CROCC: variants seen among roughly 807,000 people sequenced by gnomAD.
The protein encoded by CROCC is rootletin.
Under a neutral mutation model 245.2 loss-of-function variants are expected in CROCC, and 180 were observed. The ratio of observed to expected loss-of-function variants is 0.73; its 90% CI spans 0.65 to 0.83. The LOEUF is 0.83. Among genes scored for constraint, CROCC ranks in the 40% least tolerant of loss-of-function variants. The pLI is 0.00. For missense variants in CROCC, 2,688 were observed against 2,779.4 expected (o/e 0.97, Z 0.74); for synonymous variants, 1,205 against 1,241.6 (o/e 0.97, Z 0.62).
chr1:16,958,473 G>T, intron 25 of CROCC, 110 bp from the exon 26 acceptor site: 1 of 1,293,784 alleles, frequency 7.7e-7, no homozygotes, highest in South Asian at 1.4e-5. Context: ...GATGTGGGGT[G>T]GTATTTGATA....
At chr1:16,958,486 T>C (rs563813113) in intron 25 of CROCC, 97 bp from the exon 26 acceptor site, 204 of 1,409,782 alleles carry the variant, frequency 1.4e-4, no homozygotes, top group Non-Finnish European at 1.9e-4. Context: ...ATTTGATACA[T>C]GTGTCCCTAC....
At position 16,968,213 on chromosome 1, in the gene CROCC, G is replaced by C. The variant is rs1437859046; in HGVS notation, c.4871G>C (p.Ser1624Thr). 1.3e-6 allele frequency: 2 copies of C among 1,563,922 alleles called. No individual in the cohort carries two copies. Among genetic ancestry groups the C allele is most frequent in the South Asian group, 2.4e-5 (2 of 84,844 alleles). ...SELRASQEKI[S>T]KMKANETKLE... The stretch of plus-strand genomic sequence containing the variant: ...CCATGCCACCTGCAGGAGAAGATCA[G>C]CAAGATGAAGGCCAATGAGACAAAG... The change falls in exon 31 of 37, where the codon AGC (serine) becomes ACC (threonine). Residue 1624 changes from serine to threonine, a missense_variant. Physicochemically the swap from Ser to Thr is moderately conservative, Grantham distance 58 (BLOSUM62 1). Transcript: ENST00000375541.
intron 13 of CROCC, among the ~76,000 whole-genome samples, chr1:16,943,233 G>A (rs1311961415): frequency 1.4e-5 from 2 of 140,478 alleles, no homozygotes; most frequent in East Asian, 2.2e-4. Context: ...AGAGTGAGAT[G>A]CCGTCTAAAA....
At position 16,955,495 on chromosome 1, in the gene CROCC, C is replaced by T. The variant is rs373283520; in HGVS notation, c.3649C>T (p.Arg1217Cys). Residue 1217 changes from arginine (R) to cysteine (C), a missense_variant, in exon 24 of 37, where the codon CGT becomes TGT. By Grantham distance (180) the Arg-to-Cys change is radical. This residue lies in a region of CROCC where 1,218 missense variants were observed against 1,286.3 expected (regional missense o/e 0.95). Coordinates refer to ENST00000375541, the MANE Select transcript of CROCC (RefSeq NM_014675.5). ...TGCCAAGGAGCGCGAGGCCCTGCGG[C>T]GTTCCAATGAGGAGCTTCGGTCTGC... is the stretch of plus-strand genomic sequence containing the variant. ...EGAKEREALR[R>C]SNEELRSAVK... 13 of 1,577,606 alleles carry T rather than the reference C, an allele frequency of 8.2e-6. No homozygotes were observed. The highest frequency in any genetic ancestry group is 6.7e-5 in the African/African-American group (5 of 74,266).
Position 16,946,831 on chromosome 1 carries a change from A to G in CROCC, c.2354A>G (p.Glu785Gly), listed in dbSNP as rs1232999747. ...GAGCAGGAGGCCACAGTGGCGCGGG[A>G]AGAGCAGGAACGGCTAGAGGAGCTG... ...QAEQEATVAR[E>G]EQERLEELRL... Residue 785 changes from glutamate (E) to glycine (G), a missense_variant, in exon 17 of 37, where the codon GAA becomes GGA. Glu to Gly is a moderately conservative substitution (Grantham distance 98, BLOSUM62 -2). Transcript: ENST00000375541. 3 of 1,553,830 alleles carry G rather than the reference A, an allele frequency of 1.9e-6. No homozygotes were observed. Among genetic ancestry groups the G allele is most frequent in the Admixed American group, 2.0e-5 (1 of 51,162 alleles).
At chr1:16,952,109 G>A (rs1309019656) in intron 20 of CROCC, among the ~76,000 whole-genome samples, 1 of 151,386 alleles carries the variant, frequency 6.6e-6, no homozygotes, top group Non-Finnish European at 1.5e-5. Flanking sequence ...AGGGTGTCTC[G>A]AACTTTTGAC....
rs577341468 is a variant in CROCC, at chr1:16,971,302, G to A, written c.5785-163G>A. 1.4e-3 allele frequency among the ~76,000 whole-genome samples: 205 copies of A among 151,526 alleles called. 2 individuals carry two copies. Among genetic ancestry groups the A allele is most frequent in the African/African-American group, 4.6e-3 (191 of 41,302 alleles). On this transcript the variant is annotated intron_variant, in intron 35 of 36. Transcript: ENST00000375541. Reference sequence around the variant, plus strand: ...CATTGGGTGCACTCATCCTGGGCTCGCAGGCTCACTGTCAGGGCCAGCAGG... The same window carrying A: ...CATTGGGTGCACTCATCCTGGGCTCACAGGCTCACTGTCAGGGCCAGCAGG...
At chr1:16,971,210 AGT>A (rs34364208) in intron 35 of CROCC, among the ~76,000 whole-genome samples, 13,032 of 143,932 alleles carry the variant, frequency 0.091, 594 homozygotes, top group Middle Eastern at 0.16. Context: ...ATGATGTCTG[AGT>A]GTGTGTGTGT....
At position 16,954,200 on chromosome 1, in the gene CROCC, C is replaced by T. The variant is rs2076211120; in HGVS notation, c.3187-23C>T. The T allele has an allele frequency of 6.2e-7, 1 of 1,601,902 alleles. No homozygotes were observed. Among genetic ancestry groups the T allele is most frequent in the Non-Finnish European group, 8.5e-7 (1 of 1,173,000 alleles). On this transcript the variant is annotated intron_variant, in intron 21 of 36. Coordinates refer to ENST00000375541, the MANE Select transcript of CROCC (RefSeq NM_014675.5). The surrounding 1 kb of genome is among the most constrained non-coding windows in gnomAD (Gnocchi z 4.4). ...CCAGGACCAGCCCATCCCCCAAGCC[C>T]TTTGTCCCCTGCCTCTGCCCAGGCC...
Position 16,961,040 on chromosome 1 carries a change from G to T in CROCC, c.4315G>T (p.Ala1439Ser). 1 of 1,329,400 alleles carries T rather than the reference G, an allele frequency of 7.5e-7. No individual in the cohort carries two copies. The allele number at this position is 1,329,400 out of a possible 1,614,324, so 82.4% of individuals were successfully genotyped here. A position where few individuals can be genotyped will look rare whatever the true frequency, so the allele number is the denominator to read the frequency against. ...AEAQLGGLRS[A>S]LRRGLGLGRA... is the part of the protein sequence containing the mutation. ...GGCCCAGCTGGGTGGCCTGCGCTCGGCTCTGCGCCGGGGCCTCGGCCTCGG... is the reference window on the plus strand; with the variant it reads ...GGCCCAGCTGGGTGGCCTGCGCTCGTCTCTGCGCCGGGGCCTCGGCCTCGG... Residue 1439 changes from alanine to serine, a missense_variant, in exon 27 of 37, where the codon GCT becomes TCT. This residue lies in a region of CROCC where 1,218 missense variants were observed against 1,286.3 expected (regional missense o/e 0.95). Transcript: ENST00000375541.
chr1:16,954,109 GCA>G lies in CROCC; in HGVS notation c.3187-110_3187-109del. ...GTCTGCCCTGGGTCCACCTGCAGTG[GCA>G]CACTCAGGCCTCTAAGCCCCCAGTG... On this transcript the variant is annotated intron_variant, in intron 21 of 36. Transcript: ENST00000375541. The surrounding 1 kb of genome is among the most constrained non-coding windows in gnomAD (Gnocchi z 4.4). 9.3e-7 allele frequency: 1 copy of G among 1,077,128 alleles called. No homozygotes were observed. The highest frequency in any genetic ancestry group is 2.2e-5 in the Admixed American group (1 of 44,502). The allele number at this position is 1,077,128 out of a possible 1,614,324, so 66.7% of individuals were successfully genotyped here.
intron 20 of CROCC, among the ~76,000 whole-genome samples, chr1:16,952,207 C>T (rs1240648585): frequency 3.5e-5 from 5 of 141,270 alleles, no homozygotes; most frequent in South Asian, 2.5e-4. Context: ...GCGGTTTGGC[C>T]GGTCGTGCTG....
In CROCC at chr1:16,944,212, G is replaced by A. The variant is rs1203567961; in HGVS notation, c.1921G>A (p.Asp641Asn). ...AAQEELRRQRDRLEEEQEDAV... is the reference protein window; with the variant it reads ...AAQEELRRQRNRLEEEQEDAV... The stretch of plus-strand genomic sequence containing the variant: ...CCAGGAGGAGCTGCGGCGCCAGCGG[G>A]ACCGGCTGGAGGAAGAGCAGGAGGA... Residue 641 changes from aspartate (D) to asparagine (N), a missense_variant, in exon 14 of 37, where the codon GAC becomes AAC. By Grantham distance (23) the Asp-to-Asn change is conservative (BLOSUM62 1). Coordinates refer to ENST00000375541, the MANE Select transcript of CROCC (RefSeq NM_014675.5). 3.9e-6 allele frequency: 6 copies of A among 1,555,232 alleles called. No homozygotes were observed. The highest frequency in any genetic ancestry group is 5.2e-6 in the Non-Finnish European group (6 of 1,149,402).
intron 15 of CROCC, 104 bp from the exon 16 acceptor site, chr1:16,946,155 C>A: frequency 7.6e-7 from 1 of 1,318,798 alleles, no homozygotes; most frequent in South Asian, 1.5e-5. Flanking sequence ...CTTGTCTCCC[C>A]TACCCTGTCT....
rs141657147 is a variant in CROCC, at chr1:16,958,675, G to C, written c.3957G>C (p.Glu1319Asp). ...CGCTGGGCGAGCGGGCAGAGAAGGAGAGCAGGCGGGAGACCCTGGGCCTCC... is the reference window on the plus strand; with the variant it reads ...CGCTGGGCGAGCGGGCAGAGAAGGACAGCAGGCGGGAGACCCTGGGCCTCC... The part of the protein sequence containing the change: ...RLALGERAEK[E>D]SRRETLGLRQ... Residue 1319 changes from glutamate (E) to aspartate (D), a missense_variant, in exon 26 of 37, where the codon GAG (glutamate) becomes GAC (aspartate). By Grantham distance (45) the Glu-to-Asp change is conservative. This residue lies in a region of CROCC where 1,218 missense variants were observed against 1,286.3 expected (regional missense o/e 0.95). Transcript: ENST00000375541. 1.8e-4 allele frequency: 279 copies of C among 1,556,680 alleles called. No individual in the cohort carries two copies. The African/African-American group carries it at 3.6e-3, about 20-fold the overall frequency.
chr1:16,931,812 G>A (rs140780651), intron 8 of CROCC, among the ~76,000 whole-genome samples: 98 of 152,284 alleles, frequency 6.4e-4, no homozygotes, highest in African/African-American at 2.3e-3. Flanking sequence ...GCTGGAGTGA[G>A]GTGGCACGAT....
chr1:16,945,062 G>A (rs1304228269), intron 14 of CROCC, among the ~76,000 whole-genome samples: 14 of 152,274 alleles, frequency 9.2e-5, no homozygotes, highest in African/African-American at 3.4e-4. Flanking sequence ...GAGAAATCCC[G>A]TCTCTACTAA....
rs774028256 is a variant in CROCC at position 16,951,087 on chromosome 1, C to T, written c.2971C>T (p.His991Tyr). ...CTCTCTGCGGGAGCAGCGGGCAGCT[C>T]ACGAGGAGGACTTACAGCGACTCCA... The part of the protein sequence containing the change: ...QASLREQRAA[H>Y]EEDLQRLQRE... Residue 991 changes from histidine (H) to tyrosine (Y), a missense_variant, in exon 20 of 37, where the codon CAC becomes TAC. Around this residue, in one of 9 missense-constraint regions of CROCC, gnomAD observed 106 missense variants for 126.1 expected, o/e 0.84. Transcript: ENST00000375541. 1.3e-6 allele frequency: 2 copies of T among 1,590,508 alleles called. No homozygotes were observed. The highest frequency in any genetic ancestry group is 1.7e-6 in the Non-Finnish European group (2 of 1,169,820).
chr1:16,948,409 G>C lies in CROCC; in HGVS notation c.2593G>C (p.Glu865Gln). The part of the protein sequence containing the change: ...REAQRQVEAL[E>Q]RAAREKEALA... ...GGCCCAGCGGCAAGTGGAGGCGCTG[G>C]AGCGAGCGGCCCGTGAGAAGGAGGC... is the stretch of plus-strand genomic sequence containing the variant. The change falls in exon 18 of 37, where the codon GAG (glutamate) becomes CAG (glutamine). Residue 865 changes from glutamate (E) to glutamine (Q), a missense_variant. Physicochemically the swap from Glu to Gln is conservative, Grantham distance 29 (BLOSUM62 2). Coordinates refer to ENST00000375541, the MANE Select transcript of CROCC (RefSeq NM_014675.5). The C allele has an allele frequency of 1.3e-6, 2 of 1,575,264 alleles. No individual in the cohort carries two copies. Among genetic ancestry groups the C allele is most frequent in the Admixed American group, 3.6e-5 (2 of 54,810 alleles).
Sources: gnomAD v4.1 joint callset for allele counts (sites outside exome capture counted in the v4.1 genomes callset) on GRCh38, gnomAD v4.1.1 for gene constraint, gnomAD v4.1.1 regional missense constraint, Gnocchi (gnomAD v3.1) non-coding constraint, MANE v1.5 for transcripts, NCBI Gene and HGNC (gene_info 2026-07-23, HGNC 2026-07-21) for gene names.